ING5: variants seen among roughly 807,000 people sequenced by gnomAD.
ING5 encodes inhibitor of growth family member 5.
A neutral mutation model predicts 37.4 loss-of-function variants in ING5; 17 were observed. The ratio of observed to expected loss-of-function variants is 0.45; its 90% CI spans 0.31 to 0.68. The LOEUF is 0.68. ING5 is among the 30% of genes least tolerant of loss of function. ING5 has a pLI of 0.05. For missense variants in ING5, 233 were observed against 311.9 expected (o/e 0.75, Z 1.91); for synonymous variants, 123 against 116.6 (o/e 1.06, Z -0.36).
At chr2:241,702,151 C>A in intron 1 of ING5, 49 bp downstream of exon 1, 1 of 1,163,586 alleles carries the variant, frequency 8.6e-7, no homozygotes, top group Non-Finnish European at 1.1e-6. Context: ...CGGAGTCCTC[C>A]GTGCCGCAGC....
In ING5 at chr2:241,725,048, G is replaced by A. The variant is rs771940789; in HGVS notation, c.*17G>A. ...AAGAAGTAGGAGGAGCTGTGTGCCC[G>A]GATCCGAGGAGCAAGTTAATCTGTC... On this transcript the variant is annotated 3_prime_UTR_variant, in exon 8 of 8. Coordinates refer to ENST00000313552, the MANE Select transcript of ING5 (RefSeq NM_032329.6). 17 of 1,613,122 alleles carry A rather than the reference G, an allele frequency of 1.1e-5. No homozygotes were observed. Among genetic ancestry groups the A allele is most frequent in the Middle Eastern group, 1.7e-4 (1 of 6,060 alleles).
intron 5 of ING5, 185 bp from the exon 6 acceptor site, chr2:241,722,754 A>G (rs1314749647): frequency 1.0e-6 from 1 of 985,306 alleles, no homozygotes; most frequent in Non-Finnish European, 1.2e-6. Flanking sequence ...ACAATGGGAA[A>G]AATGGAAGCA....
At chr2:241,703,191 T>G (rs569639466) in intron 1 of ING5, among the ~76,000 whole-genome samples, 30 of 152,250 alleles carry the variant, frequency 2.0e-4, no homozygotes, top group African/African-American at 6.3e-4. Context: ...AGGGTTGACT[T>G]TGTGTGTGTC....
chr2:241,714,400 G>A (rs935453176), intron 5 of ING5, among the ~76,000 whole-genome samples: 1 of 152,094 alleles, frequency 6.6e-6, no homozygotes, highest in Non-Finnish European at 1.5e-5. Context: ...GAAGTATTCA[G>A]GCTTTCTATT....
At chr2:241,700,150 G>GTT (rs780209565), upstream of ING5, among the ~76,000 whole-genome samples, 1,024 of 73,212 alleles carry the variant, frequency 0.014, 20 homozygotes, top group East Asian at 0.061. Flanking sequence ...GCCCGGCTAA[G>GTT]TTTTTTTTTT....
Position 241,723,235 on chromosome 2 carries a change from C to T in ING5, c.644C>T (p.Ala215Val). 6.2e-7 allele frequency: 1 copy of T among 1,614,244 alleles called. No homozygotes were observed. The highest frequency in any genetic ancestry group is 1.1e-5 in the South Asian group (1 of 91,090). ...PDCPIEWFHF[A>V]CVDLTTKPKG... Reference sequence around the variant, plus strand: ...TGTCCAATTGAGTGGTTTCACTTTGCCTGCGTGGACCTTACCACGAAACCC... The same window carrying T: ...TGTCCAATTGAGTGGTTTCACTTTGTCTGCGTGGACCTTACCACGAAACCC... Residue 215 changes from alanine to valine, a missense_variant, in exon 7 of 8, where the codon GCC (alanine) becomes GTC (valine). By Grantham distance (64) the Ala-to-Val change is moderately conservative. Transcript: ENST00000313552.
intron 7 of ING5, chr2:241,723,777 T>C (rs749977908): frequency 2.5e-6 from 4 of 1,598,190 alleles, no homozygotes; most frequent in Non-Finnish European, 1.7e-6. Context: ...ACTTTCTGCA[T>C]TGTTGTTCCT....
At chr2:241,718,534 G>C (rs2070343665) in intron 5 of ING5, among the ~76,000 whole-genome samples, 1 of 150,352 alleles carries the variant, frequency 6.7e-6, no homozygotes, top group Admixed American at 6.7e-5. Flanking sequence ...CTCTGCCTCA[G>C]CCTCCCAAGT....
chr2:241,724,378 G>A (rs1691523542), intron 7 of ING5, among the ~76,000 whole-genome samples: 1 of 152,254 alleles, frequency 6.6e-6, no homozygotes, highest in South Asian at 2.1e-4. Flanking sequence ...GGCTGTTAGG[G>A]CGGAGGGCCC....
At chr2:241,691,050 T>TCTC in intron 2 of ING5, among the ~76,000 whole-genome samples, 2 of 149,554 alleles carry the variant, frequency 1.3e-5, no homozygotes, top group African/African-American at 4.9e-5. Context: ...CTCAGGTGAG[T>TCTC]CCACCTGCCT....
intron 5 of ING5, among the ~76,000 whole-genome samples, chr2:241,718,333 CT>C (rs2070332598): frequency 6.7e-6 from 1 of 149,884 alleles, no homozygotes; most frequent in Non-Finnish European, 1.5e-5. Flanking sequence ...TCCTCCCTCC[CT>C]CCCTCACTTC....
chr2:241,697,422 G>A (rs1196246779), upstream of ING5, among the ~76,000 whole-genome samples: 2 of 142,294 alleles, frequency 1.4e-5, no homozygotes, highest in African/African-American at 2.6e-5. Flanking sequence ...GTGACAGAGC[G>A]AGACTCTGTC....
At chr2:241,721,095 G>A (rs989021273) in intron 5 of ING5, 28 of 985,544 alleles carry the variant, frequency 2.8e-5, no homozygotes, top group Non-Finnish European at 3.4e-5. Flanking sequence ...CGCAGAAGAG[G>A]AGGGCGTCAG....
chr2:241,719,646 G>A (rs898515102), intron 5 of ING5: 1 of 1,535,356 alleles, frequency 6.5e-7, no homozygotes, highest in African/African-American at 1.4e-5. Flanking sequence ...GGCACTGGGG[G>A]TCCTCGTGGG....
At chr2:241,723,403 C>T in intron 7 of ING5, 132 bp downstream of exon 7, 2 of 959,730 alleles carry the variant, frequency 2.1e-6, no homozygotes, top group Admixed American at 1.8e-5. Context: ...GTAGGCATGC[C>T]CCACTGTGGC....
chr2:241,729,225 G>A lies in ING5; in HGVS notation c.*4194G>A, dbSNP rs1691732291. On this transcript the variant is annotated 3_prime_UTR_variant, in exon 8 of 8. Transcript: ENST00000313552. ...TTCCCATTCAGGAGAGATTGTGTTG[G>A]AGTTTCTTTCTTCCTCTGTATGTAT... is the stretch of plus-strand genomic sequence containing the variant. The A allele has an allele frequency of 6.6e-6, 1 of 152,612 alleles. No homozygotes were observed. The highest frequency in any genetic ancestry group is 6.5e-5 in the Admixed American group (1 of 15,270). The allele number at this position is 152,612 out of a possible 1,614,324, so 9.5% of individuals were successfully genotyped here. A position where few individuals can be genotyped will look rare whatever the true frequency, so the allele number is the denominator to read the frequency against.
chr2:241,726,780 A>G lies in ING5; in HGVS notation c.*1749A>G, dbSNP rs1691636884. 1 of 151,688 alleles carries G rather than the reference A, an allele frequency of 6.6e-6. No homozygotes were observed. 9.4% of individuals were successfully genotyped at this position (151,688 alleles called of 1,614,324 possible). On this transcript the variant is annotated 3_prime_UTR_variant, in exon 8 of 8. Transcript: ENST00000313552. ...CTTCGCCACGGCTGTGAAACTGGAGATGGGTGGGTTTTGTATGTTAATTTT... is the reference window on the plus strand; with the variant it reads ...CTTCGCCACGGCTGTGAAACTGGAGGTGGGTGGGTTTTGTATGTTAATTTT...
At position 241,709,289 on chromosome 2, in the gene ING5, C is replaced by T. The variant is rs755786012; in HGVS notation, c.183C>T (p.Arg61=). The change falls in exon 3 of 8, where the codon CGC becomes CGT. Residue 61 remains arginine (R), a synonymous_variant. Coordinates refer to ENST00000313552, the MANE Select transcript of ING5 (RefSeq NM_032329.6). ...STVKTLSPDQ[R]VERLQKIQNA... ...TGAAGACGCTGTCTCCAGACCAGCG[C>T]GTGGAGCGCCTGCAGAAGATCCAGA... is the stretch of plus-strand genomic sequence containing the variant. 1.8e-5 allele frequency: 29 copies of T among 1,613,990 alleles called. No individual in the cohort carries two copies. The highest frequency in any genetic ancestry group is 1.5e-4 in the Admixed American group (9 of 59,978).
chr2:241,715,854 AAAT>A (rs1375889663), intron 5 of ING5, among the ~76,000 whole-genome samples: 5 of 150,894 alleles, frequency 3.3e-5, no homozygotes, highest in Non-Finnish European at 7.4e-5. Context: ...CTCAATTTCC[AAAT>A]AATTTGGGAT....
Sources: gnomAD v4.1 joint callset for allele counts (sites outside exome capture counted in the v4.1 genomes callset) on GRCh38, gnomAD v4.1.1 for gene constraint, MANE v1.5 for transcripts, NCBI Gene and HGNC (gene_info 2026-07-23, HGNC 2026-07-21) for gene names.